The following RPS6KA2 variants were observed in gnomAD, a reference collection of about 807,000 sequenced individuals.
RPS6KA2 encodes the protein ribosomal protein S6 kinase alpha-2.
In RPS6KA2, 42 loss-of-function variants were observed where a neutral mutation model predicts 91.8. The ratio of observed to expected loss-of-function variants is 0.46; its 90% confidence interval spans 0.36 to 0.59. RPS6KA2 has a LOEUF of 0.59. RPS6KA2 is among the 20% of genes least tolerant of loss of function. The pLI, the probability that RPS6KA2 is intolerant of heterozygous loss-of-function variation, is 0.00. For missense variants in RPS6KA2, 798 were observed against 978.5 expected, an observed-to-expected ratio of 0.82 and a Z score of 2.46; for synonymous variants, 414 against 393.6, an observed-to-expected ratio of 1.05 and a Z score of -0.61.
chr6:166,831,933 AATAG>A (rs1161172016), intron 2 of RPS6KA2, among the ~76,000 whole-genome samples: 29 of 152,078 alleles, frequency 1.9e-4, no homozygotes, highest in East Asian at 5.8e-4. Flanking sequence ...GATGATAGAT[AATAG>A]ATGGATGGAT....
At chr6:166,580,471 A>G (rs958825483) in intron 1 of RPS6KA2, among the ~76,000 whole-genome samples, 8 of 152,226 alleles carry the variant, frequency 5.3e-5, no homozygotes, top group African/African-American at 1.9e-4. Flanking sequence ...ATGATAGCTG[A>G]TGAGCTTTAA....
At chr6:166,559,736 T>C (rs1456467792) in intron 1 of RPS6KA2, among the ~76,000 whole-genome samples, 1 of 152,186 alleles carries the variant, frequency 6.6e-6, no homozygotes, top group Admixed American at 6.5e-5. Context: ...TATGTCTGTG[T>C]TATTAAAAAA....
chr6:166,541,300 A>G (rs1322875264), intron 1 of RPS6KA2, among the ~76,000 whole-genome samples: 1 of 152,252 alleles, frequency 6.6e-6, no homozygotes, highest in Non-Finnish European at 1.5e-5. Flanking sequence ...GGGAGGCTTC[A>G]CACTGCAGCC....
At chr6:166,673,655 G>A (rs1047247020) in intron 2 of RPS6KA2, among the ~76,000 whole-genome samples, 3 of 152,220 alleles carry the variant, frequency 2.0e-5, no homozygotes, top group East Asian at 1.9e-4. Context: ...GCCTGCAGGC[G>A]GCACGCAGCC....
At chr6:166,475,047 CAG>C (rs1484074782) in intron 10 of RPS6KA2, among the ~76,000 whole-genome samples, 1 of 152,032 alleles carries the variant, frequency 6.6e-6, no homozygotes, top group Non-Finnish European at 1.5e-5. Flanking sequence ...GCAAATCACT[CAG>C]AGTCACCGAG....
chr6:166,569,411 C>T (rs1358247989), intron 1 of RPS6KA2, among the ~76,000 whole-genome samples: 2 of 152,242 alleles, frequency 1.3e-5, no homozygotes, highest in East Asian at 3.8e-4. Context: ...CTTGCAGCAT[C>T]TCAGATGTTT....
At chr6:166,571,515 G>A (rs1784686395) in intron 1 of RPS6KA2, among the ~76,000 whole-genome samples, 1 of 152,274 alleles carries the variant, frequency 6.6e-6, no homozygotes, top group Admixed American at 6.5e-5. Context: ...GGGCGTGTGT[G>A]TGCATGAATG....
chr6:166,772,176 C>T (rs1255249709), intron 2 of RPS6KA2, among the ~76,000 whole-genome samples: 1 of 149,066 alleles, frequency 6.7e-6, no homozygotes. Flanking sequence ...AGCCCTTCTC[C>T]CCTCCTGGCA....
At chr6:166,555,596 C>G (rs373480207) in intron 1 of RPS6KA2, among the ~76,000 whole-genome samples, 1 of 152,150 alleles carries the variant, frequency 6.6e-6, no homozygotes, top group East Asian at 1.9e-4. Flanking sequence ...CCCATCGCCT[C>G]GTTCAGGGAT....
At chr6:166,847,378 C>G (rs1460261165) in intron 2 of RPS6KA2, among the ~76,000 whole-genome samples, 1 of 152,096 alleles carries the variant, frequency 6.6e-6, no homozygotes, top group Non-Finnish European at 1.5e-5. Context: ...AAAAATACCA[C>G]CATCATTTTT....
intron 2 of RPS6KA2, among the ~76,000 whole-genome samples, chr6:166,673,107 A>T (rs1313656791): frequency 2.0e-5 from 3 of 151,808 alleles, no homozygotes; most frequent in African/African-American, 7.3e-5. Context: ...GTAAAGGGAG[A>T]TGCAGAACCT....
chr6:166,637,303 G>A (rs117294481), intron 2 of RPS6KA2, among the ~76,000 whole-genome samples: 1,711 of 152,372 alleles, frequency 0.011, 88 homozygotes, highest in Admixed American at 0.096. Context: ...GGGGCCATGC[G>A]AAGTCCTCAG....
intron 11 of RPS6KA2, chr6:166,463,188 G>A (rs1428917538): frequency 6.6e-6 from 1 of 152,244 alleles, no homozygotes; most frequent in East Asian, 1.9e-4. Context: ...TACTGTGTAT[G>A]CTTTTTCTTT....
At chr6:166,728,212 T>C (rs976031944) in intron 2 of RPS6KA2, among the ~76,000 whole-genome samples, 1 of 152,162 alleles carries the variant, frequency 6.6e-6, no homozygotes, top group Non-Finnish European at 1.5e-5. Flanking sequence ...GTGGCTGTAC[T>C]GGGGTGGGTG....
rs936562779 is a variant in RPS6KA2, at chr6:166,445,071, A to T, written c.1332+3653T>A. Among the ~76,000 whole-genome samples the T allele has an allele frequency of 6.6e-6, 1 of 152,182 alleles. No homozygotes were observed. Among genetic ancestry groups the T allele is most frequent in the African/African-American group, 2.4e-5 (1 of 41,432 alleles). ...AGAAACCTGCAAAAATGCAGAAATA[A>T]CTTAAAGCAAAATATAATGATATTC... On this transcript the variant is annotated intron_variant, in intron 14 of 20. Transcript: ENST00000265678. This position sits in a 1 kb window ranked among gnomAD's most constrained non-coding sequence, Gnocchi z 4.5.
intron 15 of RPS6KA2, among the ~76,000 whole-genome samples, chr6:166,431,210 G>A (rs941379277): frequency 6.6e-6 from 1 of 152,210 alleles, no homozygotes; most frequent in African/African-American, 2.4e-5. Flanking sequence ...TTACAGGCGT[G>A]AGCCATAGTG....
At chr6:166,845,775 T>C (rs1372275490) in intron 2 of RPS6KA2, among the ~76,000 whole-genome samples, 3 of 151,758 alleles carry the variant, frequency 2.0e-5, no homozygotes, top group Non-Finnish European at 4.4e-5. Flanking sequence ...AGAGCACAAA[T>C]AGACAATCTA....
At chr6:166,817,707 A>G (rs2128622210) in intron 2 of RPS6KA2, among the ~76,000 whole-genome samples, 1 of 135,122 alleles carries the variant, frequency 7.4e-6, no homozygotes, top group African/African-American at 2.6e-5. Context: ...TGGCCAAACC[A>G]TCTTTTTTCT....
In RPS6KA2 at chr6:166,745,772, G is replaced by A. The variant is rs566576523; in HGVS notation, c.123+112428C>T. Among the ~76,000 whole-genome samples, 27 of 152,308 alleles carry A rather than the reference G, an allele frequency of 1.8e-4. 1 individual carries two copies. Among genetic ancestry groups the A allele is most frequent in the African/African-American group, 6.0e-4 (25 of 41,566 alleles). On this transcript the variant is annotated intron_variant, in intron 2 of 21. Coordinates refer to the RPS6KA2 transcript ENST00000503859. Reference sequence around the variant, plus strand: ...GTTCTATCTACCTCGGGTGTGTGAGGCTGAGGAGACTCTCAGGCCTGCCAC... The same window carrying A: ...GTTCTATCTACCTCGGGTGTGTGAGACTGAGGAGACTCTCAGGCCTGCCAC...
Sources: allele counts gnomAD v4.1 joint callset (sites outside exome capture counted in the v4.1 genomes callset), GRCh38; gene constraint gnomAD v4.1.1; non-coding constraint Gnocchi (gnomAD v3.1); transcripts MANE v1.5; gene names NCBI Gene and HGNC (gene_info 2026-07-23, HGNC 2026-07-21).